Variants in LONP1 observed in about 807,000 individuals in gnomAD.
The protein encoded by LONP1 is lon protease homolog, mitochondrial.
Under a neutral mutation model 98.5 loss-of-function variants are expected in LONP1, and 31 were observed. The observed-to-expected ratio is 0.31, with a 90% confidence interval of 0.24 to 0.42. LONP1 has a LOEUF of 0.42. LONP1 is among the 20% of genes least tolerant of loss of function. The probability of loss-of-function intolerance (pLI) is 1.00; values close to 1 mark genes in which losing one functional copy is unlikely to be tolerated. For synonymous variants in LONP1, 781 were observed against 594.7 expected (o/e 1.31, Z -4.56); for missense variants, 1,336 against 1,350.6 (o/e 0.99, Z 0.17).
At chr19:5,713,001 G>T in intron 3 of LONP1, 133 bp downstream of exon 3, 2 of 1,215,210 alleles carry the variant, frequency 1.6e-6, no homozygotes, top group South Asian at 1.3e-5. Context: ...CCCAGCTCTG[G>T]CCTCAGTGCT....
intron 8 of LONP1, among the ~76,000 whole-genome samples, chr19:5,701,241 C>G (rs962599492): frequency 6.6e-6 from 1 of 152,198 alleles, no homozygotes; most frequent in Admixed American, 6.5e-5. Flanking sequence ...GTCAGGAGAT[C>G]GAGACCATCC....
Position 5,714,257 on chromosome 19 carries a change from C to T in LONP1, c.444G>A (p.Lys148=). The change falls in exon 2 of 18, where the codon AAG becomes AAA. Residue 148 remains lysine, a synonymous_variant. Transcript: ENST00000360614. The stretch of plus-strand genomic sequence containing the variant: ...CTTTCCTTCTCAGCAGCTCAACCAA[C>T]TTCTTATTTTTAACCTAGCATGACA... The part of the protein sequence containing the change: ...FIKIIEVKNK[K]LVELLRRKVR... 1 of 1,613,598 alleles carries T rather than the reference C, an allele frequency of 6.2e-7. No homozygotes were observed.
In LONP1 at chr19:5,714,242, C is replaced by T. The variant is rs745614096; in HGVS notation, c.459G>A (p.Leu153=). Residue 153 remains leucine (L), a synonymous_variant, in exon 2 of 18, where the codon CTG becomes CTA. Coordinates refer to ENST00000360614, the MANE Select transcript of LONP1 (RefSeq NM_004793.4). ...GCTGGGCGAGACGAACTTTCCTTCT[C>T]AGCAGCTCAACCAACTTCTTATTTT... ...EVKNKKLVEL[L]RRKVRLAQPY... is the part of the protein sequence containing the mutation. The T allele has an allele frequency of 3.1e-6, 5 of 1,614,042 alleles. No homozygotes were observed. The highest frequency in any genetic ancestry group is 1.1e-5 in the South Asian group (1 of 91,066).
Position 5,694,914 on chromosome 19 carries a change from C to A in LONP1, c.2014-13G>T. The A allele has an allele frequency of 6.3e-7, 1 of 1,588,154 alleles. No homozygotes were observed. Among genetic ancestry groups the A allele is most frequent in the Non-Finnish European group, 8.6e-7 (1 of 1,159,954 alleles). On this transcript the variant is annotated splice_polypyrimidine_tract_variant and intron_variant, in intron 13 of 17. Transcript: ENST00000360614. ...GCACCAGGTAGCGCTGCAAGGGCAA[C>A]CGTCAGGGTTGGGTCTGGAGGGACC...
chr19:5,701,940 G>A (rs997446680), intron 8 of LONP1, among the ~76,000 whole-genome samples: 10 of 150,326 alleles, frequency 6.7e-5, no homozygotes, highest in African/African-American at 1.2e-4. Context: ...CTGCCCGGCC[G>A]CGACCCCGTC....
intron 9 of LONP1, 53 bp downstream of exon 9, chr19:5,700,736 C>T (rs2145596015): frequency 1.9e-6 from 3 of 1,606,844 alleles, no homozygotes; most frequent in South Asian, 2.2e-5. Context: ...CACAAGAGTC[C>T]TGGGCCCGGG....
chr19:5,695,851 G>A (rs2054916423), intron 13 of LONP1, among the ~76,000 whole-genome samples: 1 of 152,178 alleles, frequency 6.6e-6, no homozygotes, highest in African/African-American at 2.4e-5. Context: ...ACAGTCCCAG[G>A]CCCTAAACCC....
chr19:5,713,029 G>A lies in LONP1; in HGVS notation c.638+105C>T. 4.6e-6 allele frequency: 7 copies of A among 1,515,322 alleles called. No homozygotes were observed. The South Asian group carries it at 8.0e-5, about 17-fold the overall frequency. The allele number at this position is 1,515,322 out of a possible 1,614,324, so 93.9% of individuals were successfully genotyped here. On this transcript the variant is annotated intron_variant, in intron 3 of 17. Coordinates refer to ENST00000360614, the MANE Select transcript of LONP1 (RefSeq NM_004793.4). ...TCAGTGCTAGTGAGAAAGCCGCTGG[G>A]CTGACGGACAGGGCAGAGGCTGATG...
chr19:5,694,456 A>G lies in LONP1; in HGVS notation c.2251T>C (p.Phe751Leu). 1 of 1,613,332 alleles carries G rather than the reference A, an allele frequency of 6.2e-7. No individual in the cohort carries two copies. Among genetic ancestry groups the G allele is most frequent in the Non-Finnish European group, 8.5e-7 (1 of 1,179,992 alleles). The change falls in exon 15 of 18, where the codon TTC becomes CTC. Residue 751 changes from phenylalanine to leucine, a missense_variant. By Grantham distance (22) the Phe-to-Leu change is conservative (BLOSUM62 0). Coordinates refer to ENST00000360614, the MANE Select transcript of LONP1 (RefSeq NM_004793.4). Reference sequence around the variant, plus strand: ...ACGTCATACATGCGCTCCACGGTGAACACGGGCTTCCCCACGAAGTCCTGC... The same window carrying G: ...ACGTCATACATGCGCTCCACGGTGAGCACGGGCTTCCCCACGAAGTCCTGC... ...NLQDFVGKPV[F>L]TVERMYDVTP...
At chr19:5,708,894 T>C (rs1167184634) in intron 4 of LONP1, 1 of 152,264 alleles carries the variant, frequency 6.6e-6, no homozygotes, top group Non-Finnish European at 1.4e-5. Flanking sequence ...GCGCCTGTAG[T>C]CCCAGCTACT....
rs573698675 is a variant in LONP1 at position 5,692,167 on chromosome 19, C to T, written c.2745G>A (p.Glu915=). The change falls in exon 18 of 18, where the codon GAG becomes GAA. Residue 915 remains glutamate (E), a synonymous_variant. Transcript: ENST00000360614. ...AGVTCIVLPA[E]NKKDFYDLAA... ...CCAGGTCGTAGAAGTCCTTCTTGTT[C>T]TCGGCTGGCAGGACGATGCACGTCA... 6.2e-7 allele frequency: 1 copy of T among 1,614,102 alleles called. No homozygotes were observed. Among genetic ancestry groups the T allele is most frequent in the Admixed American group, 1.7e-5 (1 of 60,026 alleles).
intron 7 of LONP1, 149 bp from the exon 8 acceptor site, chr19:5,706,141 CTTCTT>C (rs1314997519): frequency 6.5e-6 from 4 of 619,464 alleles, no homozygotes; most frequent in African/African-American, 5.5e-5. Flanking sequence ...TTCCTTCCAT[CTTCTT>C]TTGTTTTTGA....
chr19:5,707,529 A>G (rs1021928809), intron 6 of LONP1, among the ~76,000 whole-genome samples, 168 bp downstream of exon 6: 1 of 152,106 alleles, frequency 6.6e-6, no homozygotes, highest in Non-Finnish European at 1.5e-5. Flanking sequence ...TCATCTCAAA[A>G]ACAGAGCCAG....
At chr19:5,716,259 C>CATACATATAT (rs1555714148) in intron 1 of LONP1, among the ~76,000 whole-genome samples, 4 of 77,232 alleles carry the variant, frequency 5.2e-5, no homozygotes, top group Non-Finnish European at 9.4e-5. Context: ...TTAAAATATA[C>CATACATATAT]ATATATATAT....
intron 8 of LONP1, among the ~76,000 whole-genome samples, chr19:5,703,665 G>A (rs1418272196): frequency 2.0e-5 from 3 of 151,162 alleles, no homozygotes; most frequent in Non-Finnish European, 4.4e-5. Context: ...TGGGCCACAC[G>A]GATGCTGGAG....
upstream of LONP1, chr19:5,720,275 G>A (rs73920047): frequency 5.6e-5 from 66 of 1,186,844 alleles, no homozygotes; most frequent in African/African-American, 1.0e-3. Flanking sequence ...ACGCGGAGAA[G>A]AGGGGGCGGA....
chr19:5,708,468 G>GGGCCCCAGTGGGGGGGGGGGGGGGGGGC, intron 4 of LONP1, 65 bp from the exon 5 acceptor site: 1 of 551,268 alleles, frequency 1.8e-6, no homozygotes, highest in Admixed American at 2.1e-5. Flanking sequence ...GGCTGGGTGG[G>GGGCCCCAGTGGGGGGGGGGGGGGGGGGC]AGCATGGCCC....
rs1264749673 is a variant in LONP1 at position 5,708,328 on chromosome 19, GCA to G, written c.932+12_932+13del. 1 of 1,580,882 alleles carries G rather than the reference GCA, an allele frequency of 6.3e-7. No individual in the cohort carries two copies. Among genetic ancestry groups the G allele is most frequent in the African/African-American group, 1.4e-5 (1 of 69,224 alleles). On this transcript the variant is annotated intron_variant, in intron 5 of 17. Coordinates refer to ENST00000360614, the MANE Select transcript of LONP1 (RefSeq NM_004793.4). ...GATGCCCCCGCCTGGCCAGCTGCCC[GCA>G]CAGAGGCCCACCTGTAGAGAGGGTT... is the stretch of plus-strand genomic sequence containing the variant.
chr19:5,700,529 G>GC (rs1417235890), intron 9 of LONP1, among the ~76,000 whole-genome samples: 1 of 152,164 alleles, frequency 6.6e-6, no homozygotes, highest in African/African-American at 2.4e-5. Context: ...TGATCCTCCC[G>GC]CCTCAGCCTC....
Sources: allele counts gnomAD v4.1 joint callset (sites outside exome capture counted in the v4.1 genomes callset), GRCh38; gene constraint gnomAD v4.1.1; transcripts MANE v1.5; gene names NCBI Gene and HGNC (gene_info 2026-07-23, HGNC 2026-07-21).